Variants in UST observed in about 807,000 individuals in gnomAD.
UST encodes the protein uronyl 2-sulfotransferase, also known as chondroitin sulfate 2-O-sulfotransferase.
A neutral mutation model predicts 45.6 loss-of-function variants in UST; 21 were observed. The ratio of observed to expected loss-of-function variants is 0.46; its 90% CI spans 0.33 to 0.66. The LOEUF (loss-of-function observed/expected upper bound fraction) is 0.66. Ranked by LOEUF, UST falls within the 30% of genes least tolerant of loss-of-function variation. UST has a pLI of 0.02. For synonymous variants in UST, 215 were observed against 200.6 expected (o/e 1.07, Z -0.61); for missense variants, 463 against 512.4 (o/e 0.90, Z 0.93).
intron 1 of UST, among the ~76,000 whole-genome samples, chr6:148,872,194 A>G (rs1468839428): frequency 2.0e-5 from 3 of 152,196 alleles, no homozygotes; most frequent in Non-Finnish European, 2.9e-5. Flanking sequence ...TTGATGTTCT[A>G]TATGTTTGTT....
chr6:148,831,403 ATAGTT>A (rs1319228194), intron 1 of UST, among the ~76,000 whole-genome samples: 5 of 152,144 alleles, frequency 3.3e-5, no homozygotes, highest in South Asian at 4.1e-4. Flanking sequence ...AATTCGCCTT[ATAGTT>A]TAGTTTTGTT....
At chr6:148,758,974 A>G (rs2114653018) in intron 1 of UST, among the ~76,000 whole-genome samples, 1 of 152,378 alleles carries the variant, frequency 6.6e-6, no homozygotes, top group East Asian at 1.9e-4. Context: ...AGGCAGAGCC[A>G]TGCGGCTGGA....
At chr6:148,813,803 G>C (rs11155598) in intron 1 of UST, among the ~76,000 whole-genome samples, 114,590 of 152,168 alleles carry the variant, frequency 0.75, 44,077 homozygotes, top group East Asian at 0.99. Flanking sequence ...CAAACCTGCT[G>C]TAGACCAGGA....
rs377763118 is a variant in UST, at chr6:148,959,793, C to T, written c.528-4617C>T. The stretch of plus-strand genomic sequence containing the variant: ...CCATCTCTCCTGCCTTGGGACAGAC[C>T]GGAGAGCAGAGCACAGCTGTCTCTT... On this transcript the variant is annotated intron_variant, in intron 4 of 7. Coordinates refer to ENST00000367463, the MANE Select transcript of UST (RefSeq NM_005715.3). Among the ~76,000 whole-genome samples, 13 of 152,044 alleles carry T rather than the reference C, an allele frequency of 8.6e-5. No individual in the cohort carries two copies. In the East Asian group the frequency reaches 2.1e-3, roughly 25 times the overall value.
intron 7 of UST, among the ~76,000 whole-genome samples, chr6:149,028,727 G>C (rs1776089099): frequency 1.3e-5 from 2 of 152,300 alleles, no homozygotes; most frequent in South Asian, 4.1e-4. Flanking sequence ...CATAATCCAA[G>C]TTAATGAGGT....
intron 1 of UST, among the ~76,000 whole-genome samples, chr6:148,806,377 C>T (rs956140637): frequency 6.6e-6 from 1 of 152,182 alleles, no homozygotes; most frequent in African/African-American, 2.4e-5. Context: ...CTTGCTCTGT[C>T]ACCCAGGCTG....
At chr6:148,840,929 C>T (rs1777875801) in intron 1 of UST, among the ~76,000 whole-genome samples, 1 of 151,796 alleles carries the variant, frequency 6.6e-6, no homozygotes, top group South Asian at 2.1e-4. Flanking sequence ...GGTCGCACAG[C>T]TTGGTGTGTG....
At chr6:149,047,088 A>C (rs879005022) in intron 7 of UST, among the ~76,000 whole-genome samples, 1 of 152,200 alleles carries the variant, frequency 6.6e-6, no homozygotes, top group Admixed American at 6.5e-5. Flanking sequence ...GGTCACATGA[A>C]GTTGAGTGAC....
intron 5 of UST, among the ~76,000 whole-genome samples, chr6:148,973,864 A>C (rs1276728534): frequency 1.3e-5 from 2 of 152,224 alleles, no homozygotes; most frequent in African/African-American, 4.8e-5. Context: ...CTTGAATTCT[A>C]ATTGCGAGTA....
intron 1 of UST, among the ~76,000 whole-genome samples, chr6:148,824,335 G>A (rs935486109): frequency 6.6e-6 from 1 of 152,176 alleles, no homozygotes. Context: ...CAGTCACTAG[G>A]TGATTGTGCA....
At chr6:148,781,309 C>G (rs981707139) in intron 1 of UST, among the ~76,000 whole-genome samples, 1 of 152,114 alleles carries the variant, frequency 6.6e-6, no homozygotes, top group African/African-American at 2.4e-5. Flanking sequence ...ATTACTGATA[C>G]CGAGAAAGTT....
At chr6:148,880,756 G>T (rs1450478444) in intron 1 of UST, among the ~76,000 whole-genome samples, 4 of 152,206 alleles carry the variant, frequency 2.6e-5, no homozygotes, top group African/African-American at 9.7e-5. Context: ...TAGGCAGGGT[G>T]TGGTGGCTCA....
chr6:148,931,008 G>C (rs944349817), intron 2 of UST, among the ~76,000 whole-genome samples: 2 of 152,204 alleles, frequency 1.3e-5, no homozygotes, highest in East Asian at 3.9e-4. Context: ...TGAGAGAGGA[G>C]TCTTGGCAGC....
At chr6:148,757,353 GA>G (rs1776118709) in intron 1 of UST, among the ~76,000 whole-genome samples, 1 of 152,204 alleles carries the variant, frequency 6.6e-6, no homozygotes, top group Non-Finnish European at 1.5e-5. Context: ...AGTTGTTTTG[GA>G]AGTTTGCAGA....
Position 148,785,831 on chromosome 6 carries a change from G to T in UST, c.247+38154G>T, listed in dbSNP as rs146873151. 3.4e-3 allele frequency among the ~76,000 whole-genome samples: 511 copies of T among 152,204 alleles called. 4 individuals are homozygous for T. Among genetic ancestry groups the T allele is most frequent in the African/African-American group, 0.012 (489 of 41,534 alleles). On this transcript the variant is annotated intron_variant, in intron 1 of 7. Coordinates refer to ENST00000367463, the MANE Select transcript of UST (RefSeq NM_005715.3). ...ACCCCAAACCATGTATGTTAAAAAA[G>T]TAGTTCCTTAAAATATACATTTACT...
intron 1 of UST, among the ~76,000 whole-genome samples, chr6:148,833,050 C>T (rs879332344): frequency 2.3e-4 from 35 of 152,182 alleles, no homozygotes; most frequent in African/African-American, 7.5e-4. Context: ...TCATTCTTGA[C>T]CCCCTGTCCT....
intron 1 of UST, among the ~76,000 whole-genome samples, chr6:148,819,263 TA>T (rs139572437): frequency 2.0e-5 from 3 of 151,156 alleles, no homozygotes; most frequent in Admixed American, 6.6e-5. Context: ...GTTTAAATGT[TA>T]AAAAAAAACA....
At chr6:148,789,741 G>T (rs1776803572) in intron 1 of UST, among the ~76,000 whole-genome samples, 1 of 151,744 alleles carries the variant, frequency 6.6e-6, no homozygotes, top group Admixed American at 6.6e-5. Context: ...GGAATTACAG[G>T]TGCCCACCAC....
intron 1 of UST, among the ~76,000 whole-genome samples, chr6:148,796,127 T>C (rs9498160): frequency 0.09 from 13,758 of 152,074 alleles, 1,071 homozygotes; most frequent in East Asian, 0.43. Context: ...TGAAGGGTAG[T>C]TTTGAATCCT....
Sources: gnomAD v4.1 joint callset for allele counts (sites outside exome capture counted in the v4.1 genomes callset) on GRCh38, gnomAD v4.1.1 for gene constraint, MANE v1.5 for transcripts, NCBI Gene and HGNC (gene_info 2026-07-23, HGNC 2026-07-21) for gene names.